CSMD1: variants seen among roughly 807,000 people sequenced by gnomAD.
CSMD1 encodes the protein CUB and Sushi multiple domains 1, also known as CUB and sushi domain-containing protein 1.
In CSMD1, 213 loss-of-function variants were observed where a neutral mutation model predicts 417.5. The ratio of observed to expected loss-of-function variants is 0.51; its 90% CI spans 0.46 to 0.57. The LOEUF (loss-of-function observed/expected upper bound fraction) is 0.57. Ranked by LOEUF, CSMD1 falls within the 20% of genes least tolerant of loss-of-function variation. CSMD1 has a pLI of 0.00. For missense variants in CSMD1, 6,923 were observed against 4,529.7 expected (o/e 1.53, Z -15.17); for synonymous variants, 2,862 against 1,736.8 (o/e 1.65, Z -16.11).
intron 1 of CSMD1, among the ~76,000 whole-genome samples, chr8:4,683,453 G>A (rs1398166179): frequency 1.3e-5 from 2 of 152,136 alleles, no homozygotes; most frequent in Non-Finnish European, 2.9e-5. Context: ...ATTAAGGGAA[G>A]TCTATCAGAC....
At chr8:4,341,057 G>T (rs547149675) in intron 3 of CSMD1, among the ~76,000 whole-genome samples, 1 of 151,876 alleles carries the variant, frequency 6.6e-6, no homozygotes, top group Admixed American at 6.6e-5. Context: ...CTAAATCAAC[G>T]TAAAAGGTAA....
intron 9 of CSMD1, among the ~76,000 whole-genome samples, chr8:3,575,514 G>C (rs960939673): frequency 6.6e-6 from 1 of 152,146 alleles, no homozygotes; most frequent in Non-Finnish European, 1.5e-5. Context: ...TACCATCTCA[G>C]CTACGTCTTA....
chr8:4,934,160 G>C (rs962935473), intron 1 of CSMD1, among the ~76,000 whole-genome samples: 1 of 152,126 alleles, frequency 6.6e-6, no homozygotes, highest in African/African-American at 2.4e-5. Context: ...CTGAGAAGAG[G>C]CCAGGCTAAC....
At chr8:4,707,135 C>T (rs914760367) in intron 1 of CSMD1, among the ~76,000 whole-genome samples, 4 of 152,298 alleles carry the variant, frequency 2.6e-5, no homozygotes, top group Middle Eastern at 6.8e-3. Context: ...AAAGCTGTTA[C>T]AGTGATCTGG....
chr8:4,515,937 G>A (rs1260359932), intron 2 of CSMD1, among the ~76,000 whole-genome samples: 1 of 152,136 alleles, frequency 6.6e-6, no homozygotes, highest in Non-Finnish European at 1.5e-5. Context: ...GCCATTTAGA[G>A]CCTGCCTGCT....
In CSMD1 at chr8:4,530,381, G is replaced by C. The variant is rs186720894; in HGVS notation, c.302+106961C>G. On this transcript the variant is annotated intron_variant, in intron 2 of 69. Coordinates refer to ENST00000635120, the MANE Select transcript of CSMD1 (RefSeq NM_033225.6). Reference sequence around the variant, plus strand: ...TGGGATACACTTGCTGAACGTGCAGGTTTGTTACATAGGAATACATTTGCC... The same window carrying C: ...TGGGATACACTTGCTGAACGTGCAGCTTTGTTACATAGGAATACATTTGCC... Among the ~76,000 whole-genome samples the C allele has an allele frequency of 6.6e-5, 8 of 121,970 alleles. No homozygotes were observed. In the East Asian group the frequency reaches 1.3e-3, roughly 20 times the overall value. The allele number at this position is 121,970 out of a possible 152,430, so 80.0% of individuals were successfully genotyped here.
At chr8:3,321,710 G>A (rs148918707) in intron 23 of CSMD1, among the ~76,000 whole-genome samples, 1 of 152,094 alleles carries the variant, frequency 6.6e-6, no homozygotes, top group Non-Finnish European at 1.5e-5. Flanking sequence ...AAGTGCTTTT[G>A]ATTCAAATAA....
At chr8:3,777,533 G>A (rs796994633) in intron 5 of CSMD1, among the ~76,000 whole-genome samples, 108 of 152,154 alleles carry the variant, frequency 7.1e-4, no homozygotes, top group African/African-American at 2.4e-3. Flanking sequence ...CCTACAGGAC[G>A]GAGGGCTTTC....
At chr8:3,822,380 G>C (rs888157462) in intron 5 of CSMD1, among the ~76,000 whole-genome samples, 1 of 151,702 alleles carries the variant, frequency 6.6e-6, no homozygotes, top group African/African-American at 2.4e-5. Flanking sequence ...TATGAAGCAA[G>C]CAGTAAAAAA....
At chr8:4,216,355 C>A (rs768776722) in intron 3 of CSMD1, among the ~76,000 whole-genome samples, 21 of 152,186 alleles carry the variant, frequency 1.4e-4, no homozygotes, top group Non-Finnish European at 2.8e-4. Context: ...TTGATCTCAT[C>A]ACTTTTAACA....
At chr8:4,251,832 AGAGGAGAGATGCAG>A (rs1256968608) in intron 3 of CSMD1, among the ~76,000 whole-genome samples, 1 of 141,702 alleles carries the variant, frequency 7.1e-6, no homozygotes, top group African/African-American at 2.5e-5. Context: ...GAGAGATGGA[AGAGGAGAGATGCAG>A]GAGGAGAGAT....
intron 5 of CSMD1, among the ~76,000 whole-genome samples, chr8:3,775,652 G>C (rs965696004): frequency 1.3e-5 from 2 of 152,314 alleles, no homozygotes; most frequent in East Asian, 3.9e-4. Context: ...AAAAGTCATA[G>C]ATTGTCGGGG....
chr8:4,457,332 G>A (rs921766494), intron 2 of CSMD1, among the ~76,000 whole-genome samples: 2 of 152,012 alleles, frequency 1.3e-5, no homozygotes, highest in African/African-American at 4.8e-5. Flanking sequence ...AGAGTGCTTG[G>A]GACACCGGAG....
At chr8:4,531,469 C>G (rs1261471302) in intron 2 of CSMD1, among the ~76,000 whole-genome samples, 1 of 152,078 alleles carries the variant, frequency 6.6e-6, no homozygotes, top group Non-Finnish European at 1.5e-5. Flanking sequence ...ATCTATGTGG[C>G]TTTGTTTTTG....
At chr8:3,562,134 CA>C (rs59050971) in intron 10 of CSMD1, among the ~76,000 whole-genome samples, 21,158 of 127,082 alleles carry the variant, frequency 0.17, 2,240 homozygotes, top group African/African-American at 0.34. Context: ...ATCCAACCCA[CA>C]AAAAAAAAAA....
intron 49 of CSMD1, among the ~76,000 whole-genome samples, chr8:3,064,268 C>G (rs1046512782): frequency 6.6e-6 from 1 of 152,102 alleles, no homozygotes; most frequent in Non-Finnish European, 1.5e-5. Flanking sequence ...GTTGAATTGG[C>G]GGGGCCTGGT....
chr8:4,132,961 T>C (rs1803200410), intron 3 of CSMD1, among the ~76,000 whole-genome samples: 1 of 152,120 alleles, frequency 6.6e-6, no homozygotes, highest in Non-Finnish European at 1.5e-5. Flanking sequence ...TGAGATGGAG[T>C]CTCGCTCTGT....
At chr8:2,949,616 G>T (rs897266214) in intron 67 of CSMD1, among the ~76,000 whole-genome samples, 1 of 151,900 alleles carries the variant, frequency 6.6e-6, no homozygotes, top group Non-Finnish European at 1.5e-5. Context: ...ATCTCATTTT[G>T]ATCTCGAAAA....
rs188296230 is a variant in CSMD1, at chr8:4,294,323, C to A, written c.415+125630G>T. ...ATCCTTTTAATAAATAATACGTGCA[C>A]TGACGGTTTTCAAAATAAACCCAAG... On this transcript the variant is annotated intron_variant, in intron 3 of 69. Coordinates refer to ENST00000635120, the MANE Select transcript of CSMD1 (RefSeq NM_033225.6). Among the ~76,000 whole-genome samples, 24 of 152,280 alleles carry A rather than the reference C, an allele frequency of 1.6e-4. No homozygotes were observed. In the East Asian group the frequency reaches 4.1e-3, roughly 26 times the overall value.
Sources: gnomAD v4.1 joint callset for allele counts (sites outside exome capture counted in the v4.1 genomes callset) on GRCh38, gnomAD v4.1.1 for gene constraint, MANE v1.5 for transcripts, NCBI Gene and HGNC (gene_info 2026-07-23, HGNC 2026-07-21) for gene names.